PIEZO2: variants seen among roughly 807,000 people sequenced by gnomAD.
PIEZO2 encodes the protein piezo type mechanosensitive ion channel component 2.
In PIEZO2, 172 loss-of-function variants were observed where a neutral mutation model predicts 337.3. That is an observed-to-expected ratio of 0.51 (90% CI 0.45 to 0.58). The LOEUF is 0.58. PIEZO2 is among the 20% of genes least tolerant of loss of function. The probability of loss-of-function intolerance (pLI) is 0.00; values close to 1 mark genes in which losing one functional copy is unlikely to be tolerated. For synonymous variants in PIEZO2, 1,251 were observed against 1,228.5 expected, an observed-to-expected ratio of 1.02 and a Z score of -0.38; for missense variants, 3,028 against 3,391.3, an observed-to-expected ratio of 0.89 and a Z score of 2.66.
chr18:10,887,086 T>TC (rs1568166634), intron 4 of PIEZO2, among the ~76,000 whole-genome samples: 1 of 144,684 alleles, frequency 6.9e-6, no homozygotes, highest in Non-Finnish European at 1.5e-5. Context: ...TTTTTTTTTT[T>TC]TGAGACAGAG....
At chr18:11,121,908 G>A (rs1264851525) in intron 1 of PIEZO2, among the ~76,000 whole-genome samples, 2 of 152,036 alleles carry the variant, frequency 1.3e-5, no homozygotes, top group Non-Finnish European at 2.9e-5. Context: ...CTACTTATAA[G>A]CTTCATTATA....
At position 10,903,384 on chromosome 18, in the gene PIEZO2, A is replaced by G. The variant is rs1016420943; in HGVS notation, c.329+7802T>C. Among the ~76,000 whole-genome samples the G allele has an allele frequency of 2.6e-5, 4 of 152,138 alleles. No homozygotes were observed. The highest frequency in any genetic ancestry group is 1.3e-4 in the Admixed American group (2 of 15,264). ...TCCCCATTACTACTGAATAAGATTC[A>G]AGGCCAGGCACGGTGGCTCACGCCT... On this transcript the variant is annotated intron_variant, in intron 4 of 55. Coordinates refer to ENST00000674853, the MANE Select transcript of PIEZO2 (RefSeq NM_001378183.1). The surrounding 1 kb of genome is among the most constrained non-coding windows in gnomAD (Gnocchi z 4.1).
In PIEZO2 at chr18:10,855,706, GT is replaced by G. The variant is rs1303082245; in HGVS notation, c.704-141del. 23 of 677,684 alleles carry G rather than the reference GT, an allele frequency of 3.4e-5. No homozygotes were observed. The African/African-American group carries it at 3.6e-4, about 11-fold the overall frequency. 42.0% of individuals were successfully genotyped at this position (677,684 alleles called of 1,614,324 possible). A position where few individuals can be genotyped will look rare whatever the true frequency, so the allele number is the denominator to read the frequency against. On this transcript the variant is annotated intron_variant, in intron 6 of 55. Coordinates refer to ENST00000674853, the MANE Select transcript of PIEZO2 (RefSeq NM_001378183.1). This position sits in a 1 kb window ranked among gnomAD's most constrained non-coding sequence, Gnocchi z 4.9. ...TAAAATAGTAATTTTTAAAAATCAT[GT>G]TTGATTTATATAATAAAAATTAATG...
chr18:10,801,434 A>G lies in PIEZO2; in HGVS notation c.1201-6T>C, dbSNP rs374789280. 54 of 1,504,140 alleles carry G rather than the reference A, an allele frequency of 3.6e-5. No individual in the cohort carries two copies. In the African/African-American group the frequency reaches 6.4e-4, roughly 18 times the overall value. The allele number at this position is 1,504,140 out of a possible 1,614,324, so 93.2% of individuals were successfully genotyped here. ...TCCTGGGTCATGGATAAAAGCTGCA[A>G]AAAGCAATGCGGGAAAGCATGTTAG... On this transcript the variant is annotated splice_polypyrimidine_tract_variant and splice_region_variant and intron_variant, in intron 9 of 55. Coordinates refer to ENST00000674853, the MANE Select transcript of PIEZO2 (RefSeq NM_001378183.1).
rs1425374260 is a variant in PIEZO2 at position 11,110,820 on chromosome 18, T to A, written c.64+37705A>T. 6.6e-6 allele frequency among the ~76,000 whole-genome samples: 1 copy of A among 151,700 alleles called. No homozygotes were observed. The highest frequency in any genetic ancestry group is 1.5e-5 in the Non-Finnish European group (1 of 67,924). On this transcript the variant is annotated intron_variant, in intron 1 of 55. Coordinates refer to ENST00000674853, the MANE Select transcript of PIEZO2 (RefSeq NM_001378183.1). This position sits in a 1 kb window ranked among gnomAD's most constrained non-coding sequence, Gnocchi z 4.2. The stretch of plus-strand genomic sequence containing the variant: ...ACACACAGTATTGACCAGCACAGTG[T>A]TTTAAACTTGAAGTATAGGATCAGG...
In PIEZO2 at chr18:10,672,856, T is replaced by C. The variant is rs952699419; in HGVS notation, c.8179A>G (p.Ile2727Val). The change falls in exon 55 of 56, where the codon ATT (isoleucine) becomes GTT (valine). Residue 2727 changes from isoleucine to valine, a missense_variant. Transcript: ENST00000674853. This position sits in a 1 kb window ranked among gnomAD's most constrained non-coding sequence, Gnocchi z 4.7. ...TTGTCTCTGGACAAAATGATGGTAA[T>C]ATCCATGAAATTATTTTCTAGAAGG... ...QLLSENNFMDITIILSRDNTT... is the reference protein window; with the variant it reads ...QLLSENNFMDVTIILSRDNTT... 1 of 1,601,164 alleles carries C rather than the reference T, an allele frequency of 6.2e-7. No homozygotes were observed. Among genetic ancestry groups the C allele is most frequent in the African/African-American group, 1.3e-5 (1 of 74,272 alleles).
intron 3 of PIEZO2, among the ~76,000 whole-genome samples, chr18:10,965,650 T>C (rs1252315507): frequency 6.6e-6 from 1 of 152,238 alleles, no homozygotes; most frequent in East Asian, 1.9e-4. Context: ...TCCACTGTTA[T>C]AAATTTATCC....
At chr18:11,137,657 G>C (rs531223347) in intron 1 of PIEZO2, among the ~76,000 whole-genome samples, 1 of 152,246 alleles carries the variant, frequency 6.6e-6, no homozygotes, top group South Asian at 2.1e-4. Context: ...TGCCCGGCAG[G>C]GACAGTCCAG....
At position 10,858,006 on chromosome 18, in the gene PIEZO2, T is replaced by TTTC. The variant is rs558250507; in HGVS notation, c.493-796_493-795insGAA. ...TTTTTCTTTTTTCTTTCTTTCTTTC[T>TTTC]TTTTTTTTTTTTTTAAAGAAATCAT... On this transcript the variant is annotated intron_variant, in intron 5 of 55. Transcript: ENST00000674853. Among the ~76,000 whole-genome samples, 55 of 130,568 alleles carry TTTC rather than the reference T, an allele frequency of 4.2e-4. 1 individual carries two copies. The highest frequency in any genetic ancestry group is 1.8e-3 in the African/African-American group (55 of 29,870). 85.7% of individuals were successfully genotyped at this position (130,568 alleles called of 152,430 possible). A position where few individuals can be genotyped will look rare whatever the true frequency, so the allele number is the denominator to read the frequency against.
Position 10,735,771 on chromosome 18 carries a change from T to C in PIEZO2, c.4816-441A>G, listed in dbSNP as rs148302223. Among the ~76,000 whole-genome samples the C allele has an allele frequency of 2.0e-3, 297 of 152,266 alleles. 1 individual carries two copies. Among genetic ancestry groups the C allele is most frequent in the Non-Finnish European group, 3.3e-3 (223 of 68,028 alleles). On this transcript the variant is annotated intron_variant, in intron 34 of 55. Coordinates refer to ENST00000674853, the MANE Select transcript of PIEZO2 (RefSeq NM_001378183.1). The stretch of plus-strand genomic sequence containing the variant: ...TTTCTATGTCACTGGGAAACAAGCA[T>C]GGATGGGCCCCACCCACTTGAGAAG...
chr18:10,839,035 T>C (rs531915838), intron 7 of PIEZO2, among the ~76,000 whole-genome samples: 7 of 152,294 alleles, frequency 4.6e-5, no homozygotes, highest in Non-Finnish European at 1.0e-4. Context: ...CAAAGTTACA[T>C]AGAAGAGAGG....
At position 10,874,328 on chromosome 18, in the gene PIEZO2, A is replaced by G. The variant is rs1342887794; in HGVS notation, c.330-2913T>C. Among the ~76,000 whole-genome samples, 4 of 152,126 alleles carry G rather than the reference A, an allele frequency of 2.6e-5. No homozygotes were observed. In the East Asian group the frequency reaches 7.7e-4, roughly 29 times the overall value. On this transcript the variant is annotated intron_variant, in intron 4 of 55. Coordinates refer to ENST00000674853, the MANE Select transcript of PIEZO2 (RefSeq NM_001378183.1). Reference sequence around the variant, plus strand: ...AAGACAAAAAAAAATGCTGACAAGGATGTGGAGAAAGGGGAACCCCTGTAT... The same window carrying G: ...AAGACAAAAAAAAATGCTGACAAGGGTGTGGAGAAAGGGGAACCCCTGTAT...
chr18:10,714,625 A>G, intron 39 of PIEZO2, 139 bp downstream of exon 39: 4 of 914,154 alleles, frequency 4.4e-6, no homozygotes, highest in Non-Finnish European at 6.5e-6. Context: ...TGTTGTACAG[A>G]TGGCGACAGC....
chr18:10,849,789 T>C (rs2041485425), intron 7 of PIEZO2, among the ~76,000 whole-genome samples: 4 of 152,244 alleles, frequency 2.6e-5, no homozygotes, highest in Admixed American at 2.6e-4. Context: ...TACTTTGCAT[T>C]AGCTGAGGCA....
Position 10,983,059 on chromosome 18 carries a change from T to C in PIEZO2, c.161-3399A>G, listed in dbSNP as rs766624871. 7.4e-4 allele frequency among the ~76,000 whole-genome samples: 113 copies of C among 152,200 alleles called. 1 individual carries two copies. In the Middle Eastern group the frequency reaches 0.014, roughly 18 times the overall value. ...TAAACAAACAGAAACTTATATTCCT[T>C]AGGGAGAGGAAAAGAAGTCAATTGG... is the stretch of plus-strand genomic sequence containing the variant. On this transcript the variant is annotated intron_variant, in intron 2 of 55. Transcript: ENST00000674853.
chr18:10,879,742 T>C (rs1437114262), intron 4 of PIEZO2, among the ~76,000 whole-genome samples: 1 of 152,194 alleles, frequency 6.6e-6, no homozygotes, highest in Non-Finnish European at 1.5e-5. Flanking sequence ...AGACAGTGAT[T>C]ATACCCCTTG....
chr18:10,698,690 A>G (rs886076247), intron 44 of PIEZO2, among the ~76,000 whole-genome samples: 41 of 152,172 alleles, frequency 2.7e-4, no homozygotes, highest in African/African-American at 9.2e-4. Context: ...ATTTTTCACA[A>G]TTATCTGAAA....
At position 11,126,325 on chromosome 18, in the gene PIEZO2, C is replaced by A. The variant is rs1449996224; in HGVS notation, c.64+22200G>T. ...CTGTTATTTGCCCAGCATCACTCCC[C>A]TCTCTCCTTTCTGTTCAAATGCAAG... On this transcript the variant is annotated intron_variant, in intron 1 of 55. Coordinates refer to ENST00000674853, the MANE Select transcript of PIEZO2 (RefSeq NM_001378183.1). The surrounding 1 kb of genome is among the most constrained non-coding windows in gnomAD (Gnocchi z 4.6). Among the ~76,000 whole-genome samples the A allele has an allele frequency of 6.6e-6, 1 of 152,154 alleles. No individual in the cohort carries two copies. The highest frequency in any genetic ancestry group is 1.5e-5 in the Non-Finnish European group (1 of 68,034).
At position 11,104,757 on chromosome 18, in the gene PIEZO2, T is replaced by C. The variant is rs1033856678; in HGVS notation, c.65-38535A>G. On this transcript the variant is annotated intron_variant, in intron 1 of 55. Transcript: ENST00000674853. This position sits in a 1 kb window ranked among gnomAD's most constrained non-coding sequence, Gnocchi z 4.6. ...CCTTTGTTGTTGCAAAGCACTGAGA[T>C]GTTGGGACATAACTACAATGCAGTA... 2.6e-5 allele frequency among the ~76,000 whole-genome samples: 4 copies of C among 152,322 alleles called. No homozygotes were observed. In the South Asian group the frequency reaches 8.3e-4, roughly 32 times the overall value.
Sources: gnomAD v4.1 joint callset for allele counts (sites outside exome capture counted in the v4.1 genomes callset) on GRCh38, gnomAD v4.1.1 for gene constraint, Gnocchi (gnomAD v3.1) non-coding constraint, MANE v1.5 for transcripts, NCBI Gene and HGNC (gene_info 2026-07-23, HGNC 2026-07-21) for gene names.